Variants in PARD3B observed in about 807,000 individuals in gnomAD.
PARD3B encodes the protein partitioning defective 3 homolog B.
In PARD3B, 103 loss-of-function variants were observed where a neutral mutation model predicts 130.2. The ratio of observed to expected loss-of-function variants is 0.79; its 90% CI spans 0.67 to 0.93. The LOEUF is 0.93. PARD3B is among the 40% of genes least tolerant of loss of function. The pLI is 0.00. For missense variants in PARD3B, 1,609 were observed against 1,499.2 expected (o/e 1.07, Z -1.21); for synonymous variants, 583 against 553.2 (o/e 1.05, Z -0.76).
chr2:205,345,191 A>G (rs1188116979), intron 18 of PARD3B, among the ~76,000 whole-genome samples: 1 of 152,196 alleles, frequency 6.6e-6, no homozygotes, highest in Non-Finnish European at 1.5e-5. Flanking sequence ...TTCAGAAGTG[A>G]AGACCCAAAA....
intron 15 of PARD3B, among the ~76,000 whole-genome samples, chr2:205,207,470 G>A (rs1488865256): frequency 6.8e-6 from 1 of 146,994 alleles, no homozygotes; most frequent in Non-Finnish European, 1.5e-5. Context: ...TAGACCGCTA[G>A]CAAGACTAAT....
In PARD3B at chr2:205,592,256, G is replaced by A. The variant is rs191673473; in HGVS notation, c.3261-23200G>A. Among the ~76,000 whole-genome samples, 120 of 152,314 alleles carry A rather than the reference G, an allele frequency of 7.9e-4. No individual in the cohort carries two copies. Among genetic ancestry groups the A allele is most frequent in the Admixed American group, 2.5e-3 (38 of 15,296 alleles). On this transcript the variant is annotated intron_variant, in intron 22 of 22. Coordinates refer to ENST00000406610, the MANE Select transcript of PARD3B (RefSeq NM_001302769.2). The surrounding 1 kb of genome is among the most constrained non-coding windows in gnomAD (Gnocchi z 4.5). ...TCTTGTTTACTATAGTGGGCTGAGC[G>A]TAACATCAAGGTTGACTTGTTCATT...
At chr2:205,606,195 A>C (rs1047066094) in intron 22 of PARD3B, among the ~76,000 whole-genome samples, 1 of 138,368 alleles carries the variant, frequency 7.2e-6, no homozygotes, top group African/African-American at 2.7e-5. Context: ...CCAAGTGGCC[A>C]CCAAGAATCT....
In PARD3B at chr2:205,351,403, A is replaced by T. The variant is rs528201380; in HGVS notation, c.2631-49610A>T. On this transcript the variant is annotated intron_variant, in intron 18 of 22. Coordinates refer to ENST00000406610, the MANE Select transcript of PARD3B (RefSeq NM_001302769.2). This position sits in a 1 kb window ranked among gnomAD's most constrained non-coding sequence, Gnocchi z 4.2. ...CCTAGGTCATCTCTTTTGGGCAAGG[A>T]TGGTGAGTTTTCAGAAAACTGAAAG... is the stretch of plus-strand genomic sequence containing the variant. Among the ~76,000 whole-genome samples, 6 of 152,204 alleles carry T rather than the reference A, an allele frequency of 3.9e-5. No homozygotes were observed. The East Asian group carries it at 9.7e-4, about 25-fold the overall frequency.
chr2:204,767,229 T>C (rs987799290), intron 2 of PARD3B, among the ~76,000 whole-genome samples: 1 of 52,250 alleles, frequency 1.9e-5, no homozygotes, highest in African/African-American at 6.7e-5. Flanking sequence ...AATTCCCACC[T>C]ATGAGTGAGA....
rs1331065906 is a variant in PARD3B at position 204,799,703 on chromosome 2, A to T, written c.222+113421A>T. Among the ~76,000 whole-genome samples, 1 of 152,216 alleles carries T rather than the reference A, an allele frequency of 6.6e-6. No homozygotes were observed. The highest frequency in any genetic ancestry group is 2.4e-5 in the African/African-American group (1 of 41,454). On this transcript the variant is annotated intron_variant, in intron 2 of 22. Transcript: ENST00000406610. This position sits in a 1 kb window ranked among gnomAD's most constrained non-coding sequence, Gnocchi z 4.1. ...ACTCTTTTTGGGGGCAAAGTGAGGG[A>T]AGAGAACAAGAGTCTCTGCCTGGTA...
intron 21 of PARD3B, among the ~76,000 whole-genome samples, chr2:205,552,469 C>T (rs1173928636): frequency 2.0e-5 from 3 of 152,072 alleles, no homozygotes; most frequent in African/African-American, 7.2e-5. Flanking sequence ...AGTGCAGTGG[C>T]GTGATGTGGG....
At chr2:205,234,797 A>C (rs2038991763) in intron 15 of PARD3B, among the ~76,000 whole-genome samples, 1 of 152,222 alleles carries the variant, frequency 6.6e-6, no homozygotes. Flanking sequence ...ACTATTAAAA[A>C]GTCTTAAAAG....
At position 205,176,543 on chromosome 2, in the gene PARD3B, A is replaced by G; in HGVS notation, c.1890A>G (p.Pro630=). ...SRRNDNSILH[P]LGTCSPQDKQ... ...GAAATGATAATAGTATCCTGCATCC[A>G]CTTGGCACTTGCAGTCCACAAGACA... is the stretch of plus-strand genomic sequence containing the variant. Residue 630 remains proline, a synonymous_variant, in exon 13 of 23, where the codon CCA becomes CCG. Transcript: ENST00000406610. This position sits in a 1 kb window ranked among gnomAD's most constrained non-coding sequence, Gnocchi z 5.3. The G allele has an allele frequency of 6.2e-7, 1 of 1,612,006 alleles. No individual in the cohort carries two copies. The highest frequency in any genetic ancestry group is 8.5e-7 in the Non-Finnish European group (1 of 1,178,802).
At chr2:205,050,211 A>T (rs912079243) in intron 4 of PARD3B, among the ~76,000 whole-genome samples, 1 of 148,686 alleles carries the variant, frequency 6.7e-6, no homozygotes, top group East Asian at 1.9e-4. Context: ...ATATAATAAT[A>T]CTAATTAATA....
intron 15 of PARD3B, among the ~76,000 whole-genome samples, chr2:205,242,483 A>G (rs2039393368): frequency 6.6e-6 from 1 of 152,186 alleles, no homozygotes; most frequent in Non-Finnish European, 1.5e-5. Flanking sequence ...AAAACCGTAC[A>G]GTCTAGTGTA....
At chr2:205,102,849 G>A (rs1014991919) in intron 4 of PARD3B, among the ~76,000 whole-genome samples, 5 of 151,996 alleles carry the variant, frequency 3.3e-5, no homozygotes, top group African/African-American at 7.2e-5. Context: ...CAGATCATGA[G>A]GTCAGGAGAT....
chr2:205,520,500 A>G (rs1027647824), intron 21 of PARD3B, among the ~76,000 whole-genome samples: 1 of 152,074 alleles, frequency 6.6e-6, no homozygotes, highest in Non-Finnish European at 1.5e-5. Flanking sequence ...CTACTGGCTC[A>G]ATAGCTCGGG....
intron 18 of PARD3B, among the ~76,000 whole-genome samples, chr2:205,380,712 TTATA>T (rs1354130007): frequency 4.1e-5 from 4 of 98,254 alleles, no homozygotes; most frequent in African/African-American, 1.8e-4. Flanking sequence ...AGAATATACA[TTATA>T]TATACTATAT....
intron 1 of PARD3B, among the ~76,000 whole-genome samples, chr2:204,587,930 T>C (rs1559171489): frequency 6.6e-6 from 1 of 152,170 alleles, no homozygotes; most frequent in African/African-American, 2.4e-5. Context: ...GTTGCCACCA[T>C]GTGAAGAAGG....
intron 2 of PARD3B, among the ~76,000 whole-genome samples, chr2:204,830,165 T>G (rs116050660): frequency 0.014 from 2,203 of 152,228 alleles, 62 homozygotes; most frequent in African/African-American, 0.05. Flanking sequence ...GAACCGTAAG[T>G]CAGTTAAACC....
chr2:205,073,103 A>G (rs961098328), intron 4 of PARD3B, among the ~76,000 whole-genome samples: 1 of 152,194 alleles, frequency 6.6e-6, no homozygotes, highest in Admixed American at 6.5e-5. Context: ...TTGAAAATAA[A>G]GAACTAAGAT....
intron 1 of PARD3B, among the ~76,000 whole-genome samples, chr2:204,681,480 C>T (rs1402716672): frequency 6.6e-6 from 1 of 152,148 alleles, no homozygotes; most frequent in Non-Finnish European, 1.5e-5. Context: ...AGGCTTTTCT[C>T]CTGAAGTTTA....
chr2:204,990,552 T>G (rs1693571340), intron 3 of PARD3B, among the ~76,000 whole-genome samples: 3 of 152,152 alleles, frequency 2.0e-5, no homozygotes. Context: ...CAGACTCTAG[T>G]AACTATCATT....
Sources: allele counts gnomAD v4.1 joint callset (sites outside exome capture counted in the v4.1 genomes callset), GRCh38; gene constraint gnomAD v4.1.1; non-coding constraint Gnocchi (gnomAD v3.1); transcripts MANE v1.5; gene names NCBI Gene and HGNC (gene_info 2026-07-23, HGNC 2026-07-21).